MUC4: variants seen among roughly 807,000 people sequenced by gnomAD.
MUC4 encodes the protein mucin-4.
In MUC4, 202 loss-of-function variants were observed where a neutral mutation model predicts 257.9. The observed-to-expected ratio is 0.78, with a 90% CI of 0.70 to 0.88. The LOEUF is 0.88. MUC4 is among the 40% of genes least tolerant of loss of function. The pLI is 0.00. For missense variants in MUC4, 5,976 were observed against 6,513.7 expected (o/e 0.92, Z 2.84); for synonymous variants, 2,351 against 2,757.1 (o/e 0.85, Z 4.62).
chr3:195,761,650 C>T (rs1036218951), intron 14 of MUC4, 65 bp from the exon 15 acceptor site: 7 of 1,307,092 alleles, frequency 5.4e-6, no homozygotes, highest in Non-Finnish European at 7.7e-6. Context: ...GGGGAGCATC[C>T]GGCGGACGCA....
chr3:195,796,025 A>G (rs994818058), intron 1 of MUC4, among the ~76,000 whole-genome samples: 1 of 152,130 alleles, frequency 6.6e-6, no homozygotes, highest in African/African-American at 2.4e-5. Context: ...AATATAATTT[A>G]TCAAAAATGA....
intron 23 of MUC4, among the ~76,000 whole-genome samples, chr3:195,749,494 T>G (rs1457407017): frequency 3.3e-5 from 5 of 152,076 alleles, no homozygotes; most frequent in Admixed American, 6.5e-5. Flanking sequence ...TCCTTATCTT[T>G]AAAAGGAAAT....
Position 195,778,209 on chromosome 3 carries a change from C to G in MUC4, c.12943+94G>C, listed in dbSNP as rs539824307. 64 of 1,443,292 alleles carry G rather than the reference C, an allele frequency of 4.4e-5. No individual in the cohort carries two copies. The African/African-American group carries it at 7.1e-4, about 16-fold the overall frequency. 89.4% of individuals were successfully genotyped at this position (1,443,292 alleles called of 1,614,324 possible). A position where few individuals can be genotyped will look rare whatever the true frequency, so the allele number is the denominator to read the frequency against. ...CCTGTCCTCGGTAAGGCCCTCCCCA[C>G]CCGAGAGAGCGGAGACTGTGGGAAG... On this transcript the variant is annotated intron_variant, in intron 3 of 24. Coordinates refer to ENST00000463781, the MANE Select transcript of MUC4 (RefSeq NM_018406.7).
Position 195,752,432 on chromosome 3 carries a change from C to T in MUC4, c.15523G>A (p.Val5175Ile). The T allele has an allele frequency of 6.2e-7, 1 of 1,614,008 alleles. No individual in the cohort carries two copies. Among genetic ancestry groups the T allele is most frequent in the African/African-American group, 1.3e-5 (1 of 75,060 alleles). The change falls in exon 21 of 25, where the codon GTC becomes ATC. Residue 5175 changes from valine to isoleucine, a missense_variant. Physicochemically the swap from Val to Ile is conservative, Grantham distance 29 (BLOSUM62 3). Coordinates refer to ENST00000463781, the MANE Select transcript of MUC4 (RefSeq NM_018406.7). Reference sequence around the variant, plus strand: ...TCTTCACTGAGCAAGAGCTGGATGACTCTTAAGGGAAGTTCTGGAGATGGG... The same window carrying T: ...TCTTCACTGAGCAAGAGCTGGATGATTCTTAAGGGAAGTTCTGGAGATGGG... ...PTVNLELPLR[V>I]IQLLLSEEEN...
Position 195,789,728 on chromosome 3 carries a change from G to A in MUC4, c.1852C>T (p.His618Tyr). 1 of 1,613,978 alleles carries A rather than the reference G, an allele frequency of 6.2e-7. No homozygotes were observed. Among genetic ancestry groups the A allele is most frequent in the Non-Finnish European group, 8.5e-7 (1 of 1,179,858 alleles). Reference sequence around the variant, plus strand: ...GTGCTTGTGGAATGTATTGTTGAATGATTTGTTGATGGTGCCGTTGTAATT... The same window carrying A: ...GTGCTTGTGGAATGTATTGTTGAATAATTTGTTGATGGTGCCGTTGTAATT... The part of the protein sequence containing the change: ...QQITTAPSTN[H>Y]STIHSTSTSP... Residue 618 changes from histidine (H) to tyrosine (Y), a missense_variant, in exon 2 of 25, where the codon CAT (histidine) becomes TAT (tyrosine). Physicochemically the swap from His to Tyr is moderately conservative, Grantham distance 83. Coordinates refer to ENST00000463781, the MANE Select transcript of MUC4 (RefSeq NM_018406.7).
chr3:195,789,608 T>G lies in MUC4; in HGVS notation c.1972A>C (p.Met658Leu). The change falls in exon 2 of 25, where the codon ATG (methionine) becomes CTG (leucine). Residue 658 changes from methionine (M) to leucine (L), a missense_variant. By Grantham distance (15) the Met-to-Leu change is conservative. This residue lies in a region of MUC4 where 1,583 missense variants were observed against 1,257.4 expected (regional missense o/e 1.26). Coordinates refer to ENST00000463781, the MANE Select transcript of MUC4 (RefSeq NM_018406.7). ...ESQTTRSVSP[M>L]TDTKTVTTPG... ...GTGGTGACTGTCTTGGTGTCAGTCA[T>G]GGGGGAGACGGACCTCGTGGTTTGT... 1.2e-6 allele frequency: 2 copies of G among 1,613,810 alleles called. No individual in the cohort carries two copies. The highest frequency in any genetic ancestry group is 1.7e-6 in the Non-Finnish European group (2 of 1,179,834).
intron 20 of MUC4, 138 bp from the exon 21 acceptor site, chr3:195,752,584 C>G (rs550055948): frequency 7.2e-6 from 5 of 695,338 alleles, no homozygotes; most frequent in South Asian, 6.7e-5. Context: ...AAGTGGCCCT[C>G]ACCCTACATT....
rs542948612 is a variant in MUC4 at position 195,770,890 on chromosome 3, A to AT, written c.13243-520dup. On this transcript the variant is annotated intron_variant, in intron 5 of 24. Transcript: ENST00000463781. ...GTTAGGATAGACCCCCTACAGCCTG[A>AT]TTTTACAATCAAAGGCTGAATTGTC... 6.5e-4 allele frequency: 298 copies of AT among 457,578 alleles called. 1 individual carries two copies. Among genetic ancestry groups the AT allele is most frequent in the African/African-American group, 5.5e-3 (274 of 50,176 alleles). 28.3% of individuals were successfully genotyped at this position (457,578 alleles called of 1,614,324 possible).
Position 195,781,825 on chromosome 3 carries a change from G to A in MUC4, c.9755C>T (p.Thr3252Ile). ...STGHATSLPV[T>I]DTSSASTGDT... ...ACCTGTGGATGCTGAGGAAGTGTCGGTGACAGGAAGAGAGGTGGCATGACC... is the reference window on the plus strand; with the variant it reads ...ACCTGTGGATGCTGAGGAAGTGTCGATGACAGGAAGAGAGGTGGCATGACC... Residue 3252 changes from threonine (T) to isoleucine (I), a missense_variant, in exon 2 of 25, where the codon ACC (threonine) becomes ATC (isoleucine). Thr to Ile is a moderately conservative substitution (Grantham distance 89). Coordinates refer to ENST00000463781, the MANE Select transcript of MUC4 (RefSeq NM_018406.7). 9.7e-7 allele frequency: 1 copy of A among 1,033,854 alleles called. No individual in the cohort carries two copies. The highest frequency in any genetic ancestry group is 1.9e-5 in the South Asian group (1 of 52,904). The allele number at this position is 1,033,854 out of a possible 1,614,324, so 64.0% of individuals were successfully genotyped here.
At chr3:195,794,128 AAAG>A in intron 1 of MUC4, among the ~76,000 whole-genome samples, 1 of 148,140 alleles carries the variant, frequency 6.8e-6, no homozygotes, top group Non-Finnish European at 1.5e-5. Context: ...TTAAATAAAT[AAAG>A]AAAAATATTT....
chr3:195,794,253 CA>C (rs1425662327), intron 1 of MUC4, among the ~76,000 whole-genome samples: 2 of 151,780 alleles, frequency 1.3e-5, no homozygotes, highest in African/African-American at 4.8e-5. Context: ...GTCTCTGAAC[CA>C]AGAAGAAACC....
At position 195,788,098 on chromosome 3, in the gene MUC4, G is replaced by A. The variant is rs192133475; in HGVS notation, c.3482C>T (p.Ala1161Val). Residue 1161 changes from alanine (A) to valine (V), a missense_variant, in exon 2 of 25, where the codon GCA becomes GTA. Around this residue, in one of 44 missense-constraint regions of MUC4, gnomAD observed 90 missense variants for 106.2 expected, o/e 0.85. Transcript: ENST00000463781. ...AAGAGGGGTGGCCTGACCTGTGGAT[G>A]CTGAGGAAGCATCAGTGACATGAAG... is the stretch of plus-strand genomic sequence containing the variant. ...TPLHVTDASSASTGQATPLPV... is the reference protein window; with the variant it reads ...TPLHVTDASSVSTGQATPLPV... 8,258 of 1,151,730 alleles carry A rather than the reference G, an allele frequency of 7.2e-3. 1,190 individuals are homozygous for A. The African/African-American group carries it at 0.079, about 11-fold the overall frequency. The allele number at this position is 1,151,730 out of a possible 1,614,324, so 71.3% of individuals were successfully genotyped here.
In MUC4 at chr3:195,771,736, G is replaced by A. The variant is rs1291244447; in HGVS notation, c.13158C>T (p.Phe4386=). 6.2e-7 allele frequency: 1 copy of A among 1,613,986 alleles called. No individual in the cohort carries two copies. The highest frequency in any genetic ancestry group is 1.7e-5 in the Admixed American group (1 of 60,020). Residue 4386 remains phenylalanine, a synonymous_variant, in exon 5 of 25, where the codon TTC becomes TTT. Transcript: ENST00000463781. Reference sequence around the variant, plus strand: ...CCAGGGCCACAGGGTCCCGGCCTGTGAAGCCTGTTGGGAGTGGGTTGGGGT... The same window carrying A: ...CCAGGGCCACAGGGTCCCGGCCTGTAAAGCCTGTTGGGAGTGGGTTGGGGT... ...FSYPNPLPTG[F]TGRDPVALVA...
rs1335939029 is a variant in MUC4 at position 195,774,154 on chromosome 3, G to A, written c.13077+18C>T. ...GGCCCTGGGAGTTCAGGCTGCGCGG[G>A]CCGCAGCCCGGACTCACGTAGAGGG... On this transcript the variant is annotated intron_variant, in intron 4 of 24. Coordinates refer to ENST00000463781, the MANE Select transcript of MUC4 (RefSeq NM_018406.7). 6.3e-7 allele frequency: 1 copy of A among 1,591,960 alleles called. No individual in the cohort carries two copies. The highest frequency in any genetic ancestry group is 1.1e-5 in the South Asian group (1 of 89,130).
At chr3:195,767,750 A>G (rs1200104016) in intron 7 of MUC4, among the ~76,000 whole-genome samples, 3 of 89,482 alleles carry the variant, frequency 3.4e-5, no homozygotes, top group Admixed American at 3.1e-4. Flanking sequence ...CACCATCGCC[A>G]CCACCACCAT....
intron 1 of MUC4, among the ~76,000 whole-genome samples, chr3:195,803,080 C>T (rs777196727): frequency 5.3e-5 from 8 of 152,110 alleles, no homozygotes; most frequent in Non-Finnish European, 1.0e-4. Flanking sequence ...TCTCTGCGTG[C>T]GAGGATCGAA....
Position 195,783,954 on chromosome 3 carries a change from G to T in MUC4, c.7626C>A (p.Ala2542=), listed in dbSNP as rs551741358. 2 of 1,523,050 alleles carry T rather than the reference G, an allele frequency of 1.3e-6. No homozygotes were observed. Among genetic ancestry groups the T allele is most frequent in the African/African-American group, 1.5e-5 (1 of 64,554 alleles). The allele number at this position is 1,523,050 out of a possible 1,614,324, so 94.3% of individuals were successfully genotyped here. A position where few individuals can be genotyped will look rare whatever the true frequency, so the allele number is the denominator to read the frequency against. Residue 2542 remains alanine, a synonymous_variant, in exon 2 of 25, where the codon GCC becomes GCA. Transcript: ENST00000463781. ...TNASSLSTRH[A]TSLHVTSPSS... ...AAGGGCTGGTGACATGAAGAGAGGT[G>T]GCGTGACGTGTGGATAATGAGGAAG...
intron 2 of MUC4, 111 bp downstream of exon 2, chr3:195,778,679 A>C: frequency 7.4e-7 from 1 of 1,343,556 alleles, no homozygotes; most frequent in Non-Finnish European, 1.0e-6. Context: ...GTGGGACCTG[A>C]CACGGCCCCA....
intron 19 of MUC4, chr3:195,753,817 G>A (rs1040857915): frequency 2.8e-5 from 6 of 213,760 alleles, no homozygotes; most frequent in Middle Eastern, 1.5e-3. Context: ...CCTGAGCCTC[G>A]TGTCTCTGAA....
Sources: allele counts gnomAD v4.1 joint callset (sites outside exome capture counted in the v4.1 genomes callset), GRCh38; gene constraint gnomAD v4.1.1; regional missense constraint gnomAD v4.1.1; transcripts MANE v1.5; gene names NCBI Gene and HGNC (gene_info 2026-07-23, HGNC 2026-07-21).